Variants in CKAP2 observed in about 807,000 individuals in gnomAD.
CKAP2 encodes the protein cytoskeleton-associated protein 2.
A neutral mutation model predicts 58.4 loss-of-function variants in CKAP2; 46 were observed. The observed-to-expected ratio is 0.79, with a 90% confidence interval of 0.62 to 1.01. The LOEUF is 1.01. CKAP2 is among the 50% of genes least tolerant of loss of function. The pLI is 0.00. For synonymous variants in CKAP2, 293 were observed against 280.9 expected (o/e 1.04, Z -0.43); for missense variants, 809 against 796.4 (o/e 1.02, Z -0.19).
rs1280884191 is a variant in CKAP2, at chr13:52,474,103, C to T, written c.1802+19C>T. On this transcript the variant is annotated intron_variant, in intron 8 of 8. Coordinates refer to ENST00000258607, the MANE Select transcript of CKAP2 (RefSeq NM_018204.5). ...TGCAAAGGTAAACTTTTAAAATGTA[C>T]CATGATTTGTTTTCATGCTTGGAGA... 6 of 1,593,120 alleles carry T rather than the reference C, an allele frequency of 3.8e-6. No homozygotes were observed. The highest frequency in any genetic ancestry group is 1.8e-5 in the Admixed American group (1 of 56,854).
chr13:52,455,521 C>G lies in CKAP2; in HGVS notation c.-36C>G, dbSNP rs1345935472. On this transcript the variant is annotated 5_prime_UTR_variant, in exon 1 of 9. Transcript: ENST00000258607. ...GGTCTGAGGAAGTTCTATCTTGGCG[C>G]TAAAGCGGAGACGCATCCCCCGACC... 2 of 1,612,240 alleles carry G rather than the reference C, an allele frequency of 1.2e-6. No individual in the cohort carries two copies. The highest frequency in any genetic ancestry group is 8.5e-7 in the Non-Finnish European group (1 of 1,179,260).
chr13:52,463,510 T>C (rs186954412), intron 5 of CKAP2, among the ~76,000 whole-genome samples: 1 of 152,212 alleles, frequency 6.6e-6, no homozygotes, highest in Non-Finnish European at 1.5e-5. Flanking sequence ...GTGAAAAATA[T>C]GTTCAGAGTA....
intron 7 of CKAP2, among the ~76,000 whole-genome samples, chr13:52,469,818 G>A (rs1168235035): frequency 1.3e-5 from 2 of 149,194 alleles, no homozygotes; most frequent in South Asian, 2.2e-4. Flanking sequence ...GGATGGTCTC[G>A]ATCTCCTGAC....
Position 52,455,553 on chromosome 13 carries a change from T to A in CKAP2, c.-4T>A. ...GGAGACGCATCCCCCGACCCGAGGC[T>A]ACGATGAGCACACCGGCCGTGCCCC... On this transcript the variant is annotated 5_prime_UTR_variant, in exon 1 of 9. Coordinates refer to ENST00000258607, the MANE Select transcript of CKAP2 (RefSeq NM_018204.5). 2 of 1,612,804 alleles carry A rather than the reference T, an allele frequency of 1.2e-6. No homozygotes were observed. Among genetic ancestry groups the A allele is most frequent in the African/African-American group, 2.7e-5 (2 of 75,018 alleles).
In CKAP2 at chr13:52,465,454, G is replaced by C. The variant is rs749653423; in HGVS notation, c.1465G>C (p.Ala489Pro). 6 of 1,613,108 alleles carry C rather than the reference G, an allele frequency of 3.7e-6. 1 individual carries two copies. The South Asian group carries it at 6.6e-5, about 18-fold the overall frequency. ...TGCAATCTATGAGAAAGCCATTCTG[G>C]CAGGGGCTCAGGTAAGATAAAAATT... The part of the protein sequence containing the change: ...IIAIYEKAIL[A>P]GAQPIEEMRH... Residue 489 changes from alanine to proline, a missense_variant, in exon 6 of 9, where the codon GCA becomes CCA. This residue lies in a region of CKAP2 where 283 missense variants were observed against 287.6 expected (regional missense o/e 0.98). Coordinates refer to ENST00000258607, the MANE Select transcript of CKAP2 (RefSeq NM_018204.5).
chr13:52,460,642 C>T (rs1418475676), intron 2 of CKAP2, among the ~76,000 whole-genome samples: 4 of 147,578 alleles, frequency 2.7e-5, no homozygotes, highest in African/African-American at 5.0e-5. Flanking sequence ...TTAGTAGAGA[C>T]GGGGTTTCAC....
At chr13:52,466,008 CACAT>C (rs1566102259) in intron 6 of CKAP2, among the ~76,000 whole-genome samples, 1 of 151,584 alleles carries the variant, frequency 6.6e-6, no homozygotes, top group African/African-American at 2.4e-5. Flanking sequence ...TATATATACA[CACAT>C]ACACATATAT....
chr13:52,470,539 AT>A (rs1958748261), intron 7 of CKAP2, among the ~76,000 whole-genome samples: 1 of 152,212 alleles, frequency 6.6e-6, no homozygotes, highest in African/African-American at 2.4e-5. Context: ...TTAAAAAAAA[AT>A]CAAAGAGCAT....
Position 52,456,935 on chromosome 13 carries a change from C to T in CKAP2, c.155+328C>T, listed in dbSNP as rs574726184. Among the ~76,000 whole-genome samples, 20 of 152,048 alleles carry T rather than the reference C, an allele frequency of 1.3e-4. No homozygotes were observed. The Middle Eastern group carries it at 0.01, about 78-fold the overall frequency. ...TTGAGACAGAGTCTCACTCTGTTGC[C>T]AGGTTGGAGTGCAGTAGCGTGATCT... is the stretch of plus-strand genomic sequence containing the variant. On this transcript the variant is annotated intron_variant, in intron 2 of 8. Transcript: ENST00000258607.
At position 52,461,253 on chromosome 13, in the gene CKAP2, T is replaced by G; in HGVS notation, c.427T>G (p.Leu143Val). The stretch of plus-strand genomic sequence containing the variant: ...TGATCCCCAAAGTCAACATATGACA[T>G]TAAGCCAGGCATTTCACCTTAAAAA... Reference protein sequence around the residue: ...EDDPQSQHMTLSQAFHLKNNS... With the variant: ...EDDPQSQHMTVSQAFHLKNNS... Residue 143 changes from leucine (L) to valine (V), a missense_variant, in exon 4 of 9, where the codon TTA becomes GTA. Physicochemically the swap from Leu to Val is conservative, Grantham distance 32 (BLOSUM62 1). Coordinates refer to ENST00000258607, the MANE Select transcript of CKAP2 (RefSeq NM_018204.5). 6.2e-7 allele frequency: 1 copy of G among 1,613,786 alleles called. No individual in the cohort carries two copies. Among genetic ancestry groups the G allele is most frequent in the Non-Finnish European group, 8.5e-7 (1 of 1,179,942 alleles).
Position 52,473,953 on chromosome 13 carries a change from A to G in CKAP2, c.1671A>G (p.Leu557=). The G allele has an allele frequency of 6.2e-7, 1 of 1,614,132 alleles. No homozygotes were observed. ...EMESKLHRNL[L]FQDCEKEQDN... ...AGAGTAAACTTCATAGAAATTTGCTATTTCAAGATTGTGAAAAAGAGCAAG... is the reference window on the plus strand; with the variant it reads ...AGAGTAAACTTCATAGAAATTTGCTGTTTCAAGATTGTGAAAAAGAGCAAG... Residue 557 remains leucine (L), a synonymous_variant, in exon 8 of 9, where the codon CTA becomes CTG. Transcript: ENST00000258607.
intron 2 of CKAP2, among the ~76,000 whole-genome samples, chr13:52,457,445 T>G (rs910251697): frequency 6.6e-6 from 1 of 152,184 alleles, no homozygotes; most frequent in African/African-American, 2.4e-5. Flanking sequence ...CTTTATTATT[T>G]TGTTAAAATA....
At chr13:52,457,609 C>G (rs971312004) in intron 2 of CKAP2, among the ~76,000 whole-genome samples, 8 of 152,234 alleles carry the variant, frequency 5.3e-5, no homozygotes, top group Admixed American at 2.6e-4. Flanking sequence ...AATCCCAGCA[C>G]TTTAGGAGGC....
chr13:52,456,459 A>G, intron 1 of CKAP2, 64 bp from the exon 2 acceptor site: 2 of 1,264,046 alleles, frequency 1.6e-6, no homozygotes, highest in Non-Finnish European at 2.3e-6. Flanking sequence ...AGTCAACAAG[A>G]TTTATTTGCC....
chr13:52,467,674 A>G (rs183927855), intron 6 of CKAP2, among the ~76,000 whole-genome samples: 48 of 152,326 alleles, frequency 3.2e-4, no homozygotes, highest in Non-Finnish European at 4.1e-4. Flanking sequence ...GCACCACTGC[A>G]TTCCATCCTG....
rs1375871576 is a variant in CKAP2, at chr13:52,455,766, G to GC, written c.70+143dup. Reference sequence around the variant, plus strand: ...GATCCCTGAACGCGGCGTCGGCCTCGCCCTGCCTCATTCTTGGCCTTGTGG... The same window carrying GC: ...GATCCCTGAACGCGGCGTCGGCCTCGCCCCTGCCTCATTCTTGGCCTTGTGG... On this transcript the variant is annotated intron_variant, in intron 1 of 8. Transcript: ENST00000258607. The GC allele has an allele frequency of 1.2e-5, 12 of 1,037,790 alleles. No individual in the cohort carries two copies. In the African/African-American group the frequency reaches 2.1e-4, roughly 18 times the overall value. The allele number at this position is 1,037,790 out of a possible 1,614,324, so 64.3% of individuals were successfully genotyped here.
intron 5 of CKAP2, 152 bp from the exon 6 acceptor site, chr13:52,465,143 T>C (rs371974440): frequency 3.3e-6 from 2 of 613,586 alleles, no homozygotes; most frequent in Non-Finnish European, 2.8e-6. Context: ...TAAGTGTTCA[T>C]TTTTTACTAA....
In CKAP2 at chr13:52,475,537, A is replaced by G. The variant is rs933845306; in HGVS notation, c.*396A>G. On this transcript the variant is annotated 3_prime_UTR_variant, in exon 9 of 9. Coordinates refer to ENST00000258607, the MANE Select transcript of CKAP2 (RefSeq NM_018204.5). ...CCTTGACATGTTTTTAAAAGTTATG[A>G]TGTACCTCCCTGCCTTTAAACAGAA... 1.3e-5 allele frequency: 2 copies of G among 157,030 alleles called. No homozygotes were observed. Among genetic ancestry groups the G allele is most frequent in the African/African-American group, 4.8e-5 (2 of 41,618 alleles). 9.7% of individuals were successfully genotyped at this position (157,030 alleles called of 1,614,324 possible). A position where few individuals can be genotyped will look rare whatever the true frequency, so the allele number is the denominator to read the frequency against.
chr13:52,476,482 A>C lies in CKAP2; in HGVS notation c.*1341A>C, dbSNP rs1274628852. On this transcript the variant is annotated 3_prime_UTR_variant, in exon 9 of 9. Coordinates refer to ENST00000258607, the MANE Select transcript of CKAP2 (RefSeq NM_018204.5). Reference sequence around the variant, plus strand: ...GTTTTTGACACTTAAGTACATGCTTAATGATATATTTTCAAAAGTCATCAG... The same window carrying C: ...GTTTTTGACACTTAAGTACATGCTTCATGATATATTTTCAAAAGTCATCAG... 1 of 152,226 alleles carries C rather than the reference A, an allele frequency of 6.6e-6. No individual in the cohort carries two copies. The highest frequency in any genetic ancestry group is 1.5e-5 in the Non-Finnish European group (1 of 68,034). 9.4% of individuals were successfully genotyped at this position (152,226 alleles called of 1,614,324 possible).
Sources: gnomAD v4.1 joint callset for allele counts (sites outside exome capture counted in the v4.1 genomes callset) on GRCh38, gnomAD v4.1.1 for gene constraint, gnomAD v4.1.1 regional missense constraint, MANE v1.5 for transcripts, NCBI Gene and HGNC (gene_info 2026-07-23, HGNC 2026-07-21) for gene names.